The following KHDRBS2 variants were observed in gnomAD, a reference collection of about 807,000 sequenced individuals.
KHDRBS2 encodes the protein KH RNA binding domain containing, signal transduction associated 2, also known as KH domain-containing, RNA-binding, signal transduction-associated protein 2.
Under a neutral mutation model 44.3 loss-of-function variants are expected in KHDRBS2, and 26 were observed. That is an observed-to-expected ratio of 0.59 (90% CI 0.43 to 0.81). KHDRBS2 has a LOEUF of 0.81. Ranked by LOEUF, KHDRBS2 falls within the 40% of genes least tolerant of loss-of-function variation. KHDRBS2 has a pLI of 0.00. For synonymous variants in KHDRBS2, 194 were observed against 151.1 expected (o/e 1.28, Z -2.08); for missense variants, 476 against 433.1 (o/e 1.10, Z -0.88).
At chr6:61,899,351 A>G (rs1803492845) in intron 5 of KHDRBS2, among the ~76,000 whole-genome samples, 2 of 152,042 alleles carry the variant, frequency 1.3e-5, no homozygotes, top group South Asian at 2.1e-4. Context: ...ATTCTGTTTC[A>G]TTTCCTTTCG....
the KHDRBS2 span, among the ~76,000 whole-genome samples, chr6:61,555,299 C>T: frequency 6.6e-6 from 1 of 152,114 alleles, no homozygotes; most frequent in African/African-American, 2.4e-5. Context: ...GTCAATTCTG[C>T]TGTTAATACT....
chr6:61,900,698 T>C (rs1041451144), intron 5 of KHDRBS2, among the ~76,000 whole-genome samples: 1 of 152,228 alleles, frequency 6.6e-6, no homozygotes, highest in East Asian at 1.9e-4. Flanking sequence ...TCTGGGCTGA[T>C]GGCATATATG....
rs565784932 is a variant in KHDRBS2 at position 61,954,531 on chromosome 6, C to G, written c.483+23535G>C. Among the ~76,000 whole-genome samples, 316 of 144,974 alleles carry G rather than the reference C, an allele frequency of 2.2e-3. 2 individuals carry two copies. The highest frequency in any genetic ancestry group is 7.8e-3 in the African/African-American group (309 of 39,384). On this transcript the variant is annotated intron_variant, in intron 4 of 8. Coordinates refer to ENST00000281156, the MANE Select transcript of KHDRBS2 (RefSeq NM_152688.4). ...ATATATGAATATATACACATACATACGTATGTATACATATATATGTATATA... is the reference window on the plus strand; with the variant it reads ...ATATATGAATATATACACATACATAGGTATGTATACATATATATGTATATA...
intron 3 of KHDRBS2, among the ~76,000 whole-genome samples, chr6:62,012,178 T>A (rs1584146657): frequency 6.6e-6 from 1 of 152,198 alleles, no homozygotes; most frequent in African/African-American, 2.4e-5. Flanking sequence ...ATTGTTCATG[T>A]TTCCTCCAGA....
intron 2 of KHDRBS2, among the ~76,000 whole-genome samples, chr6:62,083,761 C>T (rs1304076544): frequency 2.6e-5 from 4 of 152,246 alleles, no homozygotes; most frequent in East Asian, 1.9e-4. Context: ...GGAACTATCC[C>T]GTTTCAAAAA....
At chr6:62,015,402 T>C (rs748049862) in intron 3 of KHDRBS2, among the ~76,000 whole-genome samples, 10 of 152,126 alleles carry the variant, frequency 6.6e-5, no homozygotes, top group Non-Finnish European at 4.4e-5. Flanking sequence ...GGAAAAGTGG[T>C]GGAGATGCAG....
intron 3 of KHDRBS2, among the ~76,000 whole-genome samples, chr6:62,002,762 G>A (rs1327606499): frequency 6.6e-6 from 1 of 151,146 alleles, no homozygotes; most frequent in Non-Finnish European, 1.5e-5. Flanking sequence ...AGTCACAAAT[G>A]TCATAACACA....
At chr6:61,953,709 T>C (rs749789034) in intron 4 of KHDRBS2, among the ~76,000 whole-genome samples, 1 of 152,072 alleles carries the variant, frequency 6.6e-6, no homozygotes, top group Non-Finnish European at 1.5e-5. Context: ...CCACCCATGC[T>C]CTAGAAATCA....
At chr6:61,697,143 G>A (rs1326959954) in intron 8 of KHDRBS2, 52 bp downstream of exon 8, 26 of 1,109,944 alleles carry the variant, frequency 2.3e-5, no homozygotes, top group East Asian at 7.1e-5. Context: ...TTGAATTGTC[G>A]GTGACTGATG....
intron 3 of KHDRBS2, among the ~76,000 whole-genome samples, chr6:62,043,828 G>A (rs948841442): frequency 5.7e-4 from 86 of 151,716 alleles, no homozygotes; most frequent in African/African-American, 1.8e-3. Context: ...TTAATACTTC[G>A]TATTTTCTTA....
intron 3 of KHDRBS2, among the ~76,000 whole-genome samples, chr6:62,011,792 A>G (rs1780340322): frequency 6.6e-6 from 1 of 152,156 alleles, no homozygotes; most frequent in South Asian, 2.1e-4. Context: ...AATGTAAGCT[A>G]TGTATCATTA....
At chr6:62,048,830 A>C (rs1391759307) in intron 2 of KHDRBS2, among the ~76,000 whole-genome samples, 1 of 151,950 alleles carries the variant, frequency 6.6e-6, no homozygotes, top group Non-Finnish European at 1.5e-5. Context: ...CGTCGATTAA[A>C]CTAAAAATAC....
chr6:62,273,050 A>G (rs945848272), intron 1 of KHDRBS2, among the ~76,000 whole-genome samples: 4 of 152,190 alleles, frequency 2.6e-5, no homozygotes, highest in East Asian at 1.9e-4. Context: ...TCAGAATAAC[A>G]TGGGTCTTTA....
chr6:61,661,934 C>T, the KHDRBS2 span, among the ~76,000 whole-genome samples: 92,372 of 151,234 alleles, frequency 0.61, 28,547 homozygotes, highest in Non-Finnish European at 0.66. Flanking sequence ...GAGCCCGCAT[C>T]GCCAAGCCAA....
At chr6:62,273,411 G>A (rs554929958) in intron 1 of KHDRBS2, among the ~76,000 whole-genome samples, 92 of 152,004 alleles carry the variant, frequency 6.1e-4, no homozygotes, top group African/African-American at 2.0e-3. Flanking sequence ...CTTAATCCTT[G>A]TCTTACTTGA....
At chr6:61,720,033 G>A (rs1391241511) in intron 7 of KHDRBS2, among the ~76,000 whole-genome samples, 1 of 151,888 alleles carries the variant, frequency 6.6e-6, no homozygotes, top group African/African-American at 2.4e-5. Context: ...GCGGTGTTTG[G>A]TTTTTTGTTC....
intron 6 of KHDRBS2, among the ~76,000 whole-genome samples, chr6:61,782,845 G>T (rs1783221930): frequency 6.6e-6 from 1 of 151,162 alleles, no homozygotes; most frequent in Non-Finnish European, 1.5e-5. Flanking sequence ...TGATGGTTGG[G>T]TCCACATGTC....
In KHDRBS2 at chr6:61,868,819, T is replaced by C. The variant is rs763865486; in HGVS notation, c.810+25816A>G. On this transcript the variant is annotated intron_variant, in intron 6 of 8. Coordinates refer to ENST00000281156, the MANE Select transcript of KHDRBS2 (RefSeq NM_152688.4). ...CATTCAGCCCCCTTCCAAGGGGTAT[T>C]ATGGACCTCCGGGCTTGCCTGAGTT... Among the ~76,000 whole-genome samples, 9 of 152,264 alleles carry C rather than the reference T, an allele frequency of 5.9e-5. No individual in the cohort carries two copies. In the South Asian group the frequency reaches 8.3e-4, roughly 14 times the overall value.
rs1169720050 is a variant in KHDRBS2 at position 61,939,439 on chromosome 6, C to T, written c.484-38068G>A. 9.2e-5 allele frequency among the ~76,000 whole-genome samples: 14 copies of T among 152,138 alleles called. No individual in the cohort carries two copies. In the South Asian group the frequency reaches 2.5e-3, roughly 27 times the overall value. On this transcript the variant is annotated intron_variant, in intron 4 of 8. Coordinates refer to ENST00000281156, the MANE Select transcript of KHDRBS2 (RefSeq NM_152688.4). The stretch of plus-strand genomic sequence containing the variant: ...CCTGTAATTCCTCAAATGTAGGCTC[C>T]ATCAGCCCAAGGATCTTTGAAAGTT...
Sources: gnomAD v4.1 joint callset for allele counts (sites outside exome capture counted in the v4.1 genomes callset) on GRCh38, gnomAD v4.1.1 for gene constraint, MANE v1.5 for transcripts, NCBI Gene and HGNC (gene_info 2026-07-23, HGNC 2026-07-21) for gene names.